The following KCNQ1 variants were observed in gnomAD, a reference collection of about 807,000 sequenced individuals.
KCNQ1 encodes the protein potassium voltage-gated channel subfamily Q member 1, also known as potassium voltage-gated channel subfamily KQT member 1.
Under a neutral mutation model 72.4 loss-of-function variants are expected in KCNQ1, and 49 were observed. The ratio of observed to expected loss-of-function variants is 0.68; its 90% CI spans 0.54 to 0.86. KCNQ1 has a LOEUF of 0.86. Among genes scored for constraint, KCNQ1 ranks in the 40% least tolerant of loss-of-function variants. The pLI is 0.00. For synonymous variants in KCNQ1, 450 were observed against 412.6 expected (o/e 1.09, Z -1.10); for missense variants, 790 against 945.1 (o/e 0.84, Z 2.15).
chr11:2,588,618 TG>T lies in KCNQ1; in HGVS notation c.1252-92del. Reference sequence around the variant, plus strand: ...CTGTCCGGGTGTATGTGGCGGGGGCTGGGCTCGGGGCGGCTGCACAGGCACT... The same window carrying T: ...CTGTCCGGGTGTATGTGGCGGGGGCTGGCTCGGGGCGGCTGCACAGGCACT... On this transcript the variant is annotated intron_variant, in intron 9 of 15. Coordinates refer to ENST00000155840, the MANE Select transcript of KCNQ1 (RefSeq NM_000218.3). This position sits in a 1 kb window ranked among gnomAD's most constrained non-coding sequence, Gnocchi z 5.6. 6.7e-7 allele frequency: 1 copy of T among 1,503,226 alleles called. No homozygotes were observed. The highest frequency in any genetic ancestry group is 9.1e-7 in the Non-Finnish European group (1 of 1,093,136). The allele number at this position is 1,503,226 out of a possible 1,614,324, so 93.1% of individuals were successfully genotyped here. A position where few individuals can be genotyped will look rare whatever the true frequency, so the allele number is the denominator to read the frequency against.
chr11:2,610,598 T>A (rs1278308914), intron 10 of KCNQ1: 1 of 398,368 alleles, frequency 2.5e-6, no homozygotes, highest in Non-Finnish European at 4.4e-6. Flanking sequence ...GAACTTCCTC[T>A]AGTAGTTCTT....
At chr11:2,584,515 TTGTG>T (rs1489202441) in intron 7 of KCNQ1, among the ~76,000 whole-genome samples, 59 of 142,864 alleles carry the variant, frequency 4.1e-4, no homozygotes, top group African/African-American at 1.4e-3. Context: ...GTGTGTGTGT[TTGTG>T]TGTTAGTGTG....
rs1849689944 is a variant in KCNQ1, at chr11:2,647,853, CT to C, written c.1394-14107del. 2.5e-6 allele frequency: 1 copy of C among 398,082 alleles called. No individual in the cohort carries two copies. Among genetic ancestry groups the C allele is most frequent in the African/African-American group, 2.1e-5 (1 of 48,524 alleles). 24.7% of individuals were successfully genotyped at this position (398,082 alleles called of 1,614,324 possible). A position where few individuals can be genotyped will look rare whatever the true frequency, so the allele number is the denominator to read the frequency against. On this transcript the variant is annotated intron_variant, in intron 10 of 15. Transcript: ENST00000155840. The surrounding 1 kb of genome is among the most constrained non-coding windows in gnomAD (Gnocchi z 4.0). ...CCATTGTAAGTCTCCTTTTTCATTT[CT>C]GATTTTATTTATTGGGTCTTCTTGG...
rs1173186296 is a variant in KCNQ1, at chr11:2,663,532, A to G, written c.1514+1451A>G. 7.5e-6 allele frequency: 3 copies of G among 398,514 alleles called. No individual in the cohort carries two copies. The highest frequency in any genetic ancestry group is 1.3e-5 in the Non-Finnish European group (3 of 226,094). 24.7% of individuals were successfully genotyped at this position (398,514 alleles called of 1,614,324 possible). ...TATTGCCTCTTGGCTGTCCCCTCAG[A>G]GAGGGGACTGTCCCTTCTCATCCTT... On this transcript the variant is annotated intron_variant, in intron 11 of 15. Transcript: ENST00000155840. This position sits in a 1 kb window ranked among gnomAD's most constrained non-coding sequence, Gnocchi z 5.2.
chr11:2,461,329 G>T (rs1846274258), intron 1 of KCNQ1: 4 of 944,886 alleles, frequency 4.2e-6, no homozygotes, highest in Admixed American at 6.8e-5. Context: ...TAGTCTGGTT[G>T]CTGTCGTTCC....
chr11:2,588,321 T>G lies in KCNQ1; in HGVS notation c.1252-392T>G, dbSNP rs1349581763. ...CCTGTGCTGGAATGTTCCCCCAGAT[T>G]TCCACACAGCCTGCTCCCTCACTTC... On this transcript the variant is annotated intron_variant, in intron 9 of 15. Transcript: ENST00000155840. The surrounding 1 kb of genome is among the most constrained non-coding windows in gnomAD (Gnocchi z 5.6). Among the ~76,000 whole-genome samples, 1 of 152,062 alleles carries G rather than the reference T, an allele frequency of 6.6e-6. No individual in the cohort carries two copies. The highest frequency in any genetic ancestry group is 2.4e-5 in the African/African-American group (1 of 41,414).
chr11:2,584,669 G>T (rs972861427), intron 7 of KCNQ1, among the ~76,000 whole-genome samples: 19 of 151,772 alleles, frequency 1.3e-4, no homozygotes, highest in Non-Finnish European at 2.4e-4. Flanking sequence ...TAGTGTGTGG[G>T]TTAGTGTTTG....
intron 2 of KCNQ1, among the ~76,000 whole-genome samples, chr11:2,555,207 G>T (rs1469064938): frequency 6.6e-6 from 1 of 152,216 alleles, no homozygotes; most frequent in East Asian, 1.9e-4. Context: ...TCTTTGGTTT[G>T]CCAAACTTCT....
chr11:2,780,859 G>C (rs937292800), intron 15 of KCNQ1, among the ~76,000 whole-genome samples: 5 of 152,166 alleles, frequency 3.3e-5, no homozygotes, highest in African/African-American at 1.2e-4. Context: ...CAGTCCTGCG[G>C]GCTCGTCAAA....
rs984183036 is a variant in KCNQ1, at chr11:2,463,870, G to A, written c.386+18386G>A. ...GGTGCTTGTGTAGATGCCCCCGTGC[G>A]GGGACTTGTTTGGCTGATGGATCAG... On this transcript the variant is annotated intron_variant, in intron 1 of 15. Transcript: ENST00000155840. This position sits in a 1 kb window ranked among gnomAD's most constrained non-coding sequence, Gnocchi z 7.0. Among the ~76,000 whole-genome samples the A allele has an allele frequency of 3.9e-5, 6 of 152,168 alleles. No individual in the cohort carries two copies. Among genetic ancestry groups the A allele is most frequent in the Non-Finnish European group, 5.9e-5 (4 of 68,030 alleles).
intron 2 of KCNQ1, among the ~76,000 whole-genome samples, chr11:2,542,809 C>G (rs1847850229): frequency 6.6e-6 from 1 of 152,222 alleles, no homozygotes; most frequent in Admixed American, 6.5e-5. Context: ...TCCCATTGTA[C>G]GGACGCATTG....
At chr11:2,844,170 C>A (rs1590126984) in intron 15 of KCNQ1, among the ~76,000 whole-genome samples, 2 of 152,318 alleles carry the variant, frequency 1.3e-5, no homozygotes, top group East Asian at 3.9e-4. Context: ...TGGGGTGGGA[C>A]TCTTCAGGGA....
rs201812187 is a variant in KCNQ1, at chr11:2,593,334, C to CT, written c.1393+4481dup. ...CTTTTGCTGCTCAGAGAACACTGGG[C>CT]TGGAAGGTCGTGGTCTGTGACGTAG... On this transcript the variant is annotated intron_variant, in intron 10 of 15. Coordinates refer to ENST00000155840, the MANE Select transcript of KCNQ1 (RefSeq NM_000218.3). This position sits in a 1 kb window ranked among gnomAD's most constrained non-coding sequence, Gnocchi z 6.9. Among the ~76,000 whole-genome samples the CT allele has an allele frequency of 7.1e-3, 1,079 of 152,296 alleles. 33 individuals carry two copies. The highest frequency in any genetic ancestry group is 0.058 in the Admixed American group (887 of 15,292).
intron 10 of KCNQ1, chr11:2,641,906 T>C (rs762384431): frequency 4.0e-5 from 16 of 398,368 alleles, no homozygotes; most frequent in African/African-American, 6.2e-5. Flanking sequence ...TCCCAGTGTA[T>C]GTTCTTGGCA....
At chr11:2,518,034 G>A (rs1229158673) in intron 1 of KCNQ1, among the ~76,000 whole-genome samples, 7 of 152,252 alleles carry the variant, frequency 4.6e-5, no homozygotes, top group Non-Finnish European at 7.3e-5. Flanking sequence ...GCGGCACTGA[G>A]ACTTCATTCA....
chr11:2,727,784 C>T (rs1041912419), intron 11 of KCNQ1, among the ~76,000 whole-genome samples: 9 of 152,138 alleles, frequency 5.9e-5, no homozygotes, highest in African/African-American at 2.2e-4. Flanking sequence ...ACAACGGTGT[C>T]GATGTACAAC....
intron 2 of KCNQ1, 142 bp downstream of exon 2, chr11:2,528,160 C>T (rs1252466254): frequency 2.6e-6 from 2 of 768,880 alleles, no homozygotes; most frequent in Non-Finnish European, 4.5e-6. Flanking sequence ...ATACAGGGGG[C>T]ACCTCCCCAG....
At chr11:2,739,232 C>T (rs1846008424) in intron 11 of KCNQ1, among the ~76,000 whole-genome samples, 1 of 152,302 alleles carries the variant, frequency 6.6e-6, no homozygotes, top group Admixed American at 6.5e-5. Context: ...CATACTTGGC[C>T]ACTGGCCACA....
chr11:2,506,110 G>C (rs1044369523), intron 1 of KCNQ1, among the ~76,000 whole-genome samples: 1 of 152,174 alleles, frequency 6.6e-6, no homozygotes, highest in Non-Finnish European at 1.5e-5. Flanking sequence ...ACTGTTCACC[G>C]GAGCCTGTGC....
Sources: allele counts gnomAD v4.1 joint callset (sites outside exome capture counted in the v4.1 genomes callset), GRCh38; gene constraint gnomAD v4.1.1; non-coding constraint Gnocchi (gnomAD v3.1); transcripts MANE v1.5; gene names NCBI Gene and HGNC (gene_info 2026-07-23, HGNC 2026-07-21).